The following PPFIA2 variants were observed in gnomAD, a reference collection of about 807,000 sequenced individuals.
PPFIA2 encodes the protein liprin-alpha-2.
PPFIA2 carries 46 observed loss-of-function variants against 175.5 expected under a neutral mutation model. The ratio of observed to expected loss-of-function variants is 0.26; its 90% CI spans 0.21 to 0.34. PPFIA2 has a LOEUF of 0.34. Among genes scored for constraint, PPFIA2 ranks in the 10% least tolerant of loss-of-function variants. The pLI, the probability that PPFIA2 is intolerant of heterozygous loss-of-function variation, is 1.00. For synonymous variants in PPFIA2, 568 were observed against 511.4 expected (o/e 1.11, Z -1.49); for missense variants, 1,179 against 1,506.1 (o/e 0.78, Z 3.60).
chr12:81,264,328 A>G (rs1321605653), intron 30 of PPFIA2, among the ~76,000 whole-genome samples: 2 of 152,220 alleles, frequency 1.3e-5, no homozygotes, highest in South Asian at 2.1e-4. Flanking sequence ...TTTTACAGAC[A>G]TAATTATTTT....
At chr12:81,260,337 G>A (rs2034984492) in intron 32 of PPFIA2, 1 of 152,176 alleles carries the variant, frequency 6.6e-6, no homozygotes, top group Non-Finnish European at 1.5e-5. Flanking sequence ...AGAATGTCAT[G>A]CACAAAAAAC....
rs187553248 is a variant in PPFIA2 at position 81,474,535 on chromosome 12, G to T, written c.304-16669C>A. ...TTGAACCCCTGACCTCAAGTGATCCGCCTGTGCCAGCCTCCCAAAGTGCTG... is the reference window on the plus strand; with the variant it reads ...TTGAACCCCTGACCTCAAGTGATCCTCCTGTGCCAGCCTCCCAAAGTGCTG... On this transcript the variant is annotated intron_variant, in intron 4 of 32. Transcript: ENST00000549396. Among the ~76,000 whole-genome samples the T allele has an allele frequency of 1.6e-4, 24 of 152,084 alleles. No homozygotes were observed. In the East Asian group the frequency reaches 4.1e-3, roughly 26 times the overall value.
chr12:81,370,695 C>T (rs779082609), intron 11 of PPFIA2, among the ~76,000 whole-genome samples: 4 of 151,700 alleles, frequency 2.6e-5, no homozygotes, highest in African/African-American at 7.3e-5. Context: ...TGGAGGTGAC[C>T]GTCAGGTTAC....
At chr12:81,266,899 T>C in intron 30 of PPFIA2, 53 bp downstream of exon 30, 1 of 1,266,394 alleles carries the variant, frequency 7.9e-7, no homozygotes, top group Non-Finnish European at 1.1e-6. Context: ...AAAGATGTTC[T>C]ATCATTTTTC....
Position 81,440,159 on chromosome 12 carries a change from T to C in PPFIA2, c.571-113A>G, listed in dbSNP as rs1003904205. The C allele has an allele frequency of 7.0e-5, 45 of 643,134 alleles. 1 individual carries two copies. Among genetic ancestry groups the C allele is most frequent in the Non-Finnish European group, 1.1e-4 (43 of 396,636 alleles). The allele number at this position is 643,134 out of a possible 1,614,324, so 39.8% of individuals were successfully genotyped here. A position where few individuals can be genotyped will look rare whatever the true frequency, so the allele number is the denominator to read the frequency against. On this transcript the variant is annotated intron_variant, in intron 6 of 32. Coordinates refer to ENST00000549396, the MANE Select transcript of PPFIA2 (RefSeq NM_003625.5). ...GTCAATTTGGCAAATTATTAAAGTATTTATATCCCTGCGTGCTCAGAATAC... is the reference window on the plus strand; with the variant it reads ...GTCAATTTGGCAAATTATTAAAGTACTTATATCCCTGCGTGCTCAGAATAC...
intron 7 of PPFIA2, among the ~76,000 whole-genome samples, chr12:81,421,680 CTCACCTG>C (rs2046268143): frequency 1.3e-5 from 2 of 151,944 alleles, no homozygotes; most frequent in South Asian, 4.2e-4. Context: ...TTAGTAATTC[CTCACCTG>C]TCAATAATTA....
At chr12:81,653,422 A>C (rs976703563) in intron 4 of PPFIA2, among the ~76,000 whole-genome samples, 1 of 152,084 alleles carries the variant, frequency 6.6e-6, no homozygotes, top group Non-Finnish European at 1.5e-5. Flanking sequence ...CAGACATCCA[A>C]AACCAAGTTG....
intron 7 of PPFIA2, among the ~76,000 whole-genome samples, chr12:81,407,042 A>G (rs539832172): frequency 2.6e-5 from 4 of 152,236 alleles, no homozygotes; most frequent in Non-Finnish European, 4.4e-5. Flanking sequence ...TTCTCTAGGT[A>G]TATGTTCTTT....
chr12:81,598,416 G>A (rs1378464105), intron 4 of PPFIA2: 1 of 1,007,384 alleles, frequency 9.9e-7, no homozygotes, highest in Non-Finnish European at 1.2e-6. Context: ...GAGTGATTAT[G>A]CTAAATATCC....
Position 81,281,253 on chromosome 12 carries a change from C to T in PPFIA2, c.3212+4G>A. 1.3e-6 allele frequency: 2 copies of T among 1,559,130 alleles called. No homozygotes were observed. Among genetic ancestry groups the T allele is most frequent in the Non-Finnish European group, 1.7e-6 (2 of 1,150,798 alleles). On this transcript the variant is annotated splice_donor_region_variant and intron_variant, in intron 27 of 32. Transcript: ENST00000549396. The stretch of plus-strand genomic sequence containing the variant: ...TTTGGGGAAAAAAAAGAAAAAACAC[C>T]TACCGATGGAAACTATCCACCATTT...
intron 4 of PPFIA2, among the ~76,000 whole-genome samples, chr12:81,517,448 A>G (rs1437189536): frequency 3.3e-5 from 5 of 152,154 alleles, no homozygotes; most frequent in Non-Finnish European, 7.4e-5. Flanking sequence ...ATCATTCCAC[A>G]CACTTCTCAA....
At chr12:81,594,479 T>A (rs2059029146) in intron 4 of PPFIA2, among the ~76,000 whole-genome samples, 1 of 152,188 alleles carries the variant, frequency 6.6e-6, no homozygotes, top group African/African-American at 2.4e-5. Context: ...AAATTATTCC[T>A]TTGGTTTGAA....
intron 4 of PPFIA2, among the ~76,000 whole-genome samples, chr12:81,536,709 G>GTAATATACA (rs2065439093): frequency 1.5e-5 from 2 of 135,182 alleles, no homozygotes; most frequent in Admixed American, 1.5e-4. Context: ...TATATAGCAT[G>GTAATATACA]TAATATACAT....
At chr12:81,745,920 A>G (rs1479825496) in intron 3 of PPFIA2, among the ~76,000 whole-genome samples, 1 of 152,218 alleles carries the variant, frequency 6.6e-6, no homozygotes, top group Non-Finnish European at 1.5e-5. Flanking sequence ...TCATACATGG[A>G]GTGGTAGACT....
At chr12:81,543,395 C>A (rs2066503406) in intron 4 of PPFIA2, among the ~76,000 whole-genome samples, 10 of 151,924 alleles carry the variant, frequency 6.6e-5, no homozygotes. Context: ...CCAAAGTGTG[C>A]AAATTTTGAG....
intron 28 of PPFIA2, among the ~76,000 whole-genome samples, chr12:81,273,071 T>C (rs1411933178): frequency 6.6e-6 from 1 of 152,200 alleles, no homozygotes; most frequent in African/African-American, 2.4e-5. Flanking sequence ...TTGGTGGTTA[T>C]GACCTTTGAT....
At chr12:81,422,089 T>C (rs375342592) in intron 7 of PPFIA2, among the ~76,000 whole-genome samples, 27 of 141,402 alleles carry the variant, frequency 1.9e-4, no homozygotes, top group East Asian at 9.9e-4. Flanking sequence ...TATATATGTG[T>C]ATATATATGT....
rs578204190 is a variant in PPFIA2 at position 81,581,060 on chromosome 12, T to A, written c.303+95731A>T. 4.6e-5 allele frequency among the ~76,000 whole-genome samples: 7 copies of A among 151,698 alleles called. No homozygotes were observed. In the East Asian group the frequency reaches 1.4e-3, roughly 30 times the overall value. On this transcript the variant is annotated intron_variant, in intron 4 of 32. Transcript: ENST00000549396. ...ACCGGACTCTGAAGAAACAGTGAGA[T>A]TTTAGCACACAGAAGTAGAAAATGG...
chr12:81,502,311 T>G (rs988334095), intron 4 of PPFIA2, among the ~76,000 whole-genome samples: 5 of 152,166 alleles, frequency 3.3e-5, no homozygotes, highest in African/African-American at 9.6e-5. Flanking sequence ...GCCTTTTCCC[T>G]AAAACAAAGG....
Sources: gnomAD v4.1 joint callset for allele counts (sites outside exome capture counted in the v4.1 genomes callset) on GRCh38, gnomAD v4.1.1 for gene constraint, MANE v1.5 for transcripts, NCBI Gene and HGNC (gene_info 2026-07-23, HGNC 2026-07-21) for gene names.